The following LPCAT2 variants were observed in gnomAD, a reference collection of about 807,000 sequenced individuals.
The protein encoded by LPCAT2 is lysophosphatidylcholine acyltransferase 2, also known as 1-AGP acyltransferase 11.
A neutral mutation model predicts 64.7 loss-of-function variants in LPCAT2; 58 were observed. The ratio of observed to expected loss-of-function variants is 0.90; its 90% CI spans 0.73 to 1.12. The LOEUF is 1.12. Among genes scored for constraint, LPCAT2 ranks in the 50% most tolerant of loss-of-function variants. The pLI is 0.00. For missense variants in LPCAT2, 579 were observed against 669.8 expected, an observed-to-expected ratio of 0.86 and a Z score of 1.50; for synonymous variants, 252 against 245.3, an observed-to-expected ratio of 1.03 and a Z score of -0.26.
At position 55,541,864 on chromosome 16, in the gene LPCAT2, C is replaced by A. The variant is rs1219261046; in HGVS notation, c.853-3871C>A. The A allele has an allele frequency of 5.4e-6, 7 of 1,287,186 alleles. No homozygotes were observed. The African/African-American group carries it at 7.6e-5, about 14-fold the overall frequency. 79.7% of individuals were successfully genotyped at this position (1,287,186 alleles called of 1,614,324 possible). ...TGTTTCTGTTCTTTTGGGAAGGAAG[C>A]AGCAAGCATTGTTTAAAAATATCTT... On this transcript the variant is annotated intron_variant, in intron 8 of 13. Transcript: ENST00000262134.
intron 8 of LPCAT2, among the ~76,000 whole-genome samples, chr16:55,544,860 A>T (rs538192503): frequency 8.5e-5 from 13 of 152,216 alleles, no homozygotes; most frequent in Admixed American, 7.2e-4. Context: ...TGGCCATGTG[A>T]CTTGCATGCC....
intron 11 of LPCAT2, among the ~76,000 whole-genome samples, chr16:55,557,903 A>T (rs1279458132): frequency 6.6e-6 from 1 of 152,186 alleles, no homozygotes; most frequent in Non-Finnish European, 1.5e-5. Flanking sequence ...CAGATATTTG[A>T]TGGCAGACAG....
intron 11 of LPCAT2, among the ~76,000 whole-genome samples, chr16:55,563,223 A>C (rs1241548141): frequency 6.6e-6 from 1 of 151,960 alleles, no homozygotes; most frequent in Admixed American, 6.6e-5. Context: ...AAGATATTGA[A>C]TCAGTAACCA....
chr16:55,528,615 G>T (rs751378479), intron 3 of LPCAT2, 21 bp downstream of exon 3: 1 of 1,542,252 alleles, frequency 6.5e-7, no homozygotes. Flanking sequence ...GTAAGGTAAC[G>T]TAGATAAAAT....
chr16:55,565,763 TG>T (rs1567404445), intron 11 of LPCAT2, among the ~76,000 whole-genome samples: 1 of 152,134 alleles, frequency 6.6e-6, no homozygotes, highest in Non-Finnish European at 1.5e-5. Flanking sequence ...AAAAAAGTTC[TG>T]AAGATAGCTG....
intron 8 of LPCAT2, among the ~76,000 whole-genome samples, chr16:55,545,052 T>C (rs1222398565): frequency 6.6e-6 from 1 of 152,106 alleles, no homozygotes; most frequent in South Asian, 2.1e-4. Context: ...GAAAAATACG[T>C]AATAACTTGA....
At position 55,528,726 on chromosome 16, in the gene LPCAT2, G is replaced by A. The variant is rs74021213; in HGVS notation, c.529+132G>A. ...ACATTTCAAACATATTTACTTTATT[G>A]TAATAAGTTACTACATGGAAATAGT... is the stretch of plus-strand genomic sequence containing the variant. On this transcript the variant is annotated intron_variant, in intron 3 of 13. Coordinates refer to ENST00000262134, the MANE Select transcript of LPCAT2 (RefSeq NM_017839.5). The A allele has an allele frequency of 2.7e-3, 1,819 of 685,902 alleles. 27 individuals carry two copies. In the African/African-American group the frequency reaches 0.03, roughly 11 times the overall value. 42.5% of individuals were successfully genotyped at this position (685,902 alleles called of 1,614,324 possible).
At chr16:55,577,940 A>G (rs1174660292) in intron 12 of LPCAT2, among the ~76,000 whole-genome samples, 1 of 152,172 alleles carries the variant, frequency 6.6e-6, no homozygotes, top group African/African-American at 2.4e-5. Context: ...TACTAAAATC[A>G]TCAGGATCCT....
At chr16:55,574,228 G>A (rs1273127225) in intron 11 of LPCAT2, among the ~76,000 whole-genome samples, 1 of 151,940 alleles carries the variant, frequency 6.6e-6, no homozygotes, top group Non-Finnish European at 1.5e-5. Context: ...AACCCCTTAG[G>A]ACCCTTAATG....
chr16:55,566,640 A>G, intron 11 of LPCAT2: 1 of 1,049,290 alleles, frequency 9.5e-7, no homozygotes, highest in Non-Finnish European at 1.4e-6. Flanking sequence ...GGCGTGGTGC[A>G]GTGTAAGCAG....
intron 1 of LPCAT2, among the ~76,000 whole-genome samples, chr16:55,514,626 G>A (rs1962981416): frequency 6.6e-6 from 1 of 152,162 alleles, no homozygotes; most frequent in East Asian, 1.9e-4. Context: ...TTCCAGAGTT[G>A]CTATATTATT....
Position 55,537,611 on chromosome 16 carries a change from C to T in LPCAT2, c.831C>T (p.Leu277=), listed in dbSNP as rs774273685. 1 of 1,613,452 alleles carries T rather than the reference C, an allele frequency of 6.2e-7. No homozygotes were observed. Among genetic ancestry groups the T allele is most frequent in the Non-Finnish European group, 8.5e-7 (1 of 1,179,632 alleles). ...TTTGTATGCTTACTTTCTGCCAGCT[C>T]TTCACAAAGGTAGAAGTTGAGGTAA... The part of the protein sequence containing the change: ...IQLCMLTFCQ[L]FTKVEVEFMP... Residue 277 remains leucine, a synonymous_variant, in exon 8 of 14, where the codon CTC becomes CTT. Transcript: ENST00000262134.
At chr16:55,552,720 G>A (rs1963531038) in intron 11 of LPCAT2, among the ~76,000 whole-genome samples, 1 of 152,156 alleles carries the variant, frequency 6.6e-6, no homozygotes. Context: ...TAAACAATGT[G>A]TATACCTTAA....
At chr16:55,515,713 A>C (rs1340222455) in intron 1 of LPCAT2, among the ~76,000 whole-genome samples, 2 of 152,236 alleles carry the variant, frequency 1.3e-5, no homozygotes, top group Non-Finnish European at 2.9e-5. Flanking sequence ...TAATAATAAT[A>C]GCAAATAGGA....
intron 3 of LPCAT2, among the ~76,000 whole-genome samples, chr16:55,529,422 T>TA (rs1385473649): frequency 2.8e-4 from 42 of 152,252 alleles, no homozygotes; most frequent in Admixed American, 6.5e-4. Flanking sequence ...GAAGCTATTT[T>TA]AAAAAAATGT....
chr16:55,544,702 C>T (rs781690245), intron 8 of LPCAT2, among the ~76,000 whole-genome samples: 4 of 152,134 alleles, frequency 2.6e-5, no homozygotes, highest in Non-Finnish European at 5.9e-5. Context: ...GCACTCTCTC[C>T]CTAGGCACCA....
At chr16:55,575,643 C>G (rs1447261444) in intron 12 of LPCAT2, among the ~76,000 whole-genome samples, 3 of 152,158 alleles carry the variant, frequency 2.0e-5, no homozygotes, top group African/African-American at 7.2e-5. Context: ...CCCTGCAATT[C>G]CAAGAAGGCT....
intron 11 of LPCAT2, among the ~76,000 whole-genome samples, chr16:55,565,863 T>C (rs1211940461): frequency 6.6e-6 from 1 of 152,184 alleles, no homozygotes; most frequent in African/African-American, 2.4e-5. Context: ...ATGGCATGTG[T>C]ATTTTATCAC....
At chr16:55,536,146 CT>C (rs1423898947) in intron 7 of LPCAT2, among the ~76,000 whole-genome samples, 1 of 152,134 alleles carries the variant, frequency 6.6e-6, no homozygotes, top group Non-Finnish European at 1.5e-5. Context: ...GTGTCTGTTA[CT>C]TCTAAATCTG....
Sources: gnomAD v4.1 joint callset for allele counts (sites outside exome capture counted in the v4.1 genomes callset) on GRCh38, gnomAD v4.1.1 for gene constraint, MANE v1.5 for transcripts, NCBI Gene and HGNC (gene_info 2026-07-23, HGNC 2026-07-21) for gene names.